The following PCLO variants were observed in gnomAD, a reference collection of about 807,000 sequenced individuals.
PCLO encodes the protein piccolo presynaptic cytomatrix protein.
In PCLO, 82 loss-of-function variants were observed where a neutral mutation model predicts 427.5. The ratio of observed to expected loss-of-function variants is 0.19; its 90% CI spans 0.16 to 0.23. The LOEUF (loss-of-function observed/expected upper bound fraction) is 0.23. Ranked by LOEUF, PCLO falls within the 10% of genes least tolerant of loss-of-function variation. The pLI is 1.00. For missense variants in PCLO, 6,239 were observed against 6,115.9 expected, an observed-to-expected ratio of 1.02 and a Z score of -0.67; for synonymous variants, 2,357 against 2,155.4, an observed-to-expected ratio of 1.09 and a Z score of -2.59.
At chr7:82,813,584 C>A (rs1791617284) in intron 20 of PCLO, among the ~76,000 whole-genome samples, 1 of 151,400 alleles carries the variant, frequency 6.6e-6, no homozygotes, top group Non-Finnish European at 1.5e-5. Flanking sequence ...TTCCAGATAC[C>A]TTTAAATTGA....
intron 13 of PCLO, among the ~76,000 whole-genome samples, chr7:82,844,718 T>A (rs1420350459): frequency 1.3e-5 from 2 of 152,154 alleles, no homozygotes; most frequent in East Asian, 1.9e-4. Context: ...TATGCTTTTT[T>A]AAATTCCCCG....
intron 4 of PCLO, among the ~76,000 whole-genome samples, chr7:82,959,916 A>G (rs1261916853): frequency 1.3e-5 from 2 of 152,094 alleles, no homozygotes; most frequent in African/African-American, 2.4e-5. Flanking sequence ...CAGACTGGTC[A>G]GTGAGAGGCA....
At chr7:83,041,201 A>C (rs1284222678) in intron 3 of PCLO, among the ~76,000 whole-genome samples, 1 of 152,168 alleles carries the variant, frequency 6.6e-6, no homozygotes, top group Non-Finnish European at 1.5e-5. Flanking sequence ...GAAATGACTT[A>C]GGTGGTTATG....
At chr7:83,133,111 C>A (rs983374535) in intron 3 of PCLO, among the ~76,000 whole-genome samples, 2 of 151,812 alleles carry the variant, frequency 1.3e-5, no homozygotes, top group Non-Finnish European at 2.9e-5. Context: ...TTAATTAGAT[C>A]AAAGCAAACA....
intron 3 of PCLO, among the ~76,000 whole-genome samples, chr7:83,019,563 AG>A (rs762514998): frequency 6.6e-6 from 1 of 151,954 alleles, no homozygotes; most frequent in Non-Finnish European, 1.5e-5. Flanking sequence ...GATGGGCAAG[AG>A]TTCCAGGTAA....
At chr7:83,101,354 TAA>T (rs1264701644) in intron 3 of PCLO, among the ~76,000 whole-genome samples, 3 of 152,032 alleles carry the variant, frequency 2.0e-5, no homozygotes, top group African/African-American at 7.2e-5. Flanking sequence ...GAAATGGATA[TAA>T]GTCCATTTTA....
rs555676443 is a variant in PCLO, at chr7:83,023,715, C to T, written c.3301-57228G>A. 1.0e-3 allele frequency among the ~76,000 whole-genome samples: 152 copies of T among 152,204 alleles called. No homozygotes were observed. The Middle Eastern group carries it at 0.014, about 14-fold the overall frequency. ...GGGTGCCATGAGTACGGAAAGCTTA[C>T]GATTGTTTCAGATAAAATTTAATAG... On this transcript the variant is annotated intron_variant, in intron 3 of 24. Transcript: ENST00000333891.
intron 3 of PCLO, among the ~76,000 whole-genome samples, chr7:83,100,122 T>A (rs1374808989): frequency 6.6e-6 from 1 of 152,172 alleles, no homozygotes; most frequent in Non-Finnish European, 1.5e-5. Context: ...TGTTGCTCAA[T>A]TAAAAAATAA....
At chr7:82,907,198 G>C (rs562073327) in intron 8 of PCLO, among the ~76,000 whole-genome samples, 14 of 151,988 alleles carry the variant, frequency 9.2e-5, no homozygotes, top group African/African-American at 3.1e-4. Flanking sequence ...CAGTGCCCGT[G>C]GAAACAGTAG....
chr7:82,932,477 G>T (rs1794861557), intron 6 of PCLO, among the ~76,000 whole-genome samples: 1 of 152,142 alleles, frequency 6.6e-6, no homozygotes, highest in Non-Finnish European at 1.5e-5. Flanking sequence ...GTACATTAGT[G>T]AGCAAGTTCT....
At chr7:82,862,947 G>A (rs1049102366) in intron 10 of PCLO, among the ~76,000 whole-genome samples, 33 of 151,908 alleles carry the variant, frequency 2.2e-4, no homozygotes, top group African/African-American at 7.5e-4. Context: ...GCACAATAGT[G>A]TGACTATAGT....
intron 20 of PCLO, among the ~76,000 whole-genome samples, chr7:82,815,410 A>G (rs1306418567): frequency 6.6e-6 from 1 of 152,062 alleles, no homozygotes; most frequent in Non-Finnish European, 1.5e-5. Flanking sequence ...ATGCTTTAAA[A>G]CAAAAACTAC....
chr7:82,769,471 A>T (rs1221634571), intron 22 of PCLO, among the ~76,000 whole-genome samples: 1 of 152,150 alleles, frequency 6.6e-6, no homozygotes, highest in Non-Finnish European at 1.5e-5. Context: ...TGTCTGTACC[A>T]CTTAACTGGA....
At chr7:82,848,010 C>T (rs1792548833) in intron 10 of PCLO, among the ~76,000 whole-genome samples, 1 of 151,956 alleles carries the variant, frequency 6.6e-6, no homozygotes, top group African/African-American at 2.4e-5. Context: ...CTGGTCAGGG[C>T]ATTTCATTTT....
chr7:83,155,843 C>T lies in PCLO; in HGVS notation c.798G>A (p.Gln266=). 6.2e-7 allele frequency: 1 copy of T among 1,613,910 alleles called. No homozygotes were observed. The highest frequency in any genetic ancestry group is 1.1e-5 in the South Asian group (1 of 91,078). Residue 266 remains glutamine (Q), a synonymous_variant, in exon 2 of 25, where the codon CAG becomes CAA. Transcript: ENST00000333891. The part of the protein sequence containing the change: ...KPIQGPTQTP[Q]TDHAKLPLQR... ...GAAGTGGCAATTTTGCATGGTCTGTCTGAGGAGTCTGGGTAGGACCCTGAA... is the reference window on the plus strand; with the variant it reads ...GAAGTGGCAATTTTGCATGGTCTGTTTGAGGAGTCTGGGTAGGACCCTGAA...
intron 22 of PCLO, among the ~76,000 whole-genome samples, chr7:82,787,890 C>A (rs1274941067): frequency 1.3e-5 from 2 of 152,126 alleles, no homozygotes; most frequent in Non-Finnish European, 2.9e-5. Flanking sequence ...CTCAAACTAT[C>A]AGACTATCAA....
intron 2 of PCLO, among the ~76,000 whole-genome samples, chr7:83,141,984 C>T (rs4732500): frequency 0.059 from 8,893 of 152,000 alleles, 567 homozygotes; most frequent in East Asian, 0.26. Context: ...TATTCCTGCT[C>T]AGAATTATTA....
intron 3 of PCLO, among the ~76,000 whole-genome samples, chr7:83,090,791 A>ATAAAAATGGAATT (rs1337713594): frequency 6.6e-6 from 1 of 152,152 alleles, no homozygotes; most frequent in Non-Finnish European, 1.5e-5. Flanking sequence ...GTATATTTTC[A>ATAAAAATGGAATT]GTAAAATTCC....
At chr7:82,972,284 TA>T (rs1331857851) in intron 3 of PCLO, among the ~76,000 whole-genome samples, 2 of 151,872 alleles carry the variant, frequency 1.3e-5, no homozygotes, top group African/African-American at 4.8e-5. Flanking sequence ...ATGAAGGCAA[TA>T]AAAACCCAGA....
Sources: allele counts gnomAD v4.1 joint callset (sites outside exome capture counted in the v4.1 genomes callset), GRCh38; gene constraint gnomAD v4.1.1; transcripts MANE v1.5; gene names NCBI Gene and HGNC (gene_info 2026-07-23, HGNC 2026-07-21).